CNNM2: variants seen among roughly 807,000 people sequenced by gnomAD.
CNNM2 encodes the protein cyclin and CBS domain divalent metal cation transport mediator 2, also known as metal transporter CNNM2.
Under a neutral mutation model 66.9 loss-of-function variants are expected in CNNM2, and 12 were observed. The ratio of observed to expected loss-of-function variants is 0.18; its 90% CI spans 0.11 to 0.29. The LOEUF is 0.29. Ranked by LOEUF, CNNM2 falls within the 10% of genes least tolerant of loss-of-function variation. The probability of loss-of-function intolerance (pLI) is 1.00; values close to 1 mark genes in which losing one functional copy is unlikely to be tolerated. For missense variants in CNNM2, 705 were observed against 1,167.7 expected, an observed-to-expected ratio of 0.60 and a Z score of 5.77; for synonymous variants, 557 against 501.8, an observed-to-expected ratio of 1.11 and a Z score of -1.47.
At position 103,078,064 on chromosome 10, in the gene CNNM2, C is replaced by G. The variant is rs796156785; in HGVS notation, c.*884C>G. On this transcript the variant is annotated 3_prime_UTR_variant, in exon 8 of 8. Coordinates refer to ENST00000369878, the MANE Select transcript of CNNM2 (RefSeq NM_017649.5). ...TAAGCTCACAGAGTGTCGTCGCCCACCTCCCTGGTCCTTGCTCTTGTTAAC... is the reference window on the plus strand; with the variant it reads ...TAAGCTCACAGAGTGTCGTCGCCCAGCTCCCTGGTCCTTGCTCTTGTTAAC... The G allele has an allele frequency of 3.9e-5, 6 of 152,664 alleles. No homozygotes were observed. Among genetic ancestry groups the G allele is most frequent in the African/African-American group, 1.4e-4 (6 of 41,556 alleles). 9.5% of individuals were successfully genotyped at this position (152,664 alleles called of 1,614,324 possible). A position where few individuals can be genotyped will look rare whatever the true frequency, so the allele number is the denominator to read the frequency against.
In CNNM2 at chr10:103,076,938, T is replaced by C. The variant is rs2065702542; in HGVS notation, c.2419-33T>C. The C allele has an allele frequency of 1.3e-6, 2 of 1,587,240 alleles. No homozygotes were observed. The highest frequency in any genetic ancestry group is 1.7e-5 in the Admixed American group (1 of 60,004). On this transcript the variant is annotated intron_variant, in intron 7 of 7. Transcript: ENST00000369878. ...GAGAACCTAAAAATAAGCATTATCT[T>C]GGTTTGTTTTCTGTGCCATCTTCTG...
intron 1 of CNNM2, among the ~76,000 whole-genome samples, chr10:102,947,822 C>T (rs569998215): frequency 6.6e-6 from 1 of 151,862 alleles, no homozygotes; most frequent in Admixed American, 6.6e-5. Context: ...GAGGCCAAGG[C>T]GGGCAAATCA....
chr10:103,021,918 A>G (rs1158407205), intron 1 of CNNM2, among the ~76,000 whole-genome samples: 3 of 152,344 alleles, frequency 2.0e-5, no homozygotes, highest in East Asian at 3.9e-4. Context: ...TTAGCCAAAG[A>G]TAGTTGCCTA....
At chr10:103,032,984 T>C (rs2064858385) in intron 1 of CNNM2, among the ~76,000 whole-genome samples, 1 of 151,060 alleles carries the variant, frequency 6.6e-6, no homozygotes. Flanking sequence ...CAGATGTGGC[T>C]ACCCATGCCT....
Position 103,089,063 on chromosome 10 carries a change from T to C in CNNM2, c.*11883T>C, listed in dbSNP as rs138994297. The C allele has an allele frequency of 7.2e-4, 160 of 221,150 alleles. No homozygotes were observed. In the East Asian group the frequency reaches 0.01, roughly 14 times the overall value. 13.7% of individuals were successfully genotyped at this position (221,150 alleles called of 1,614,324 possible). A position where few individuals can be genotyped will look rare whatever the true frequency, so the allele number is the denominator to read the frequency against. ...AAGGATACTGTCTTTTCCCTCAAAA[T>C]AGAATCCTGCCCTAAAGCAACGCAA... On this transcript the variant is annotated 3_prime_UTR_variant, in exon 8 of 8. Transcript: ENST00000369878.
chr10:103,075,836 G>C (rs1309081269), intron 6 of CNNM2, among the ~76,000 whole-genome samples: 2 of 152,162 alleles, frequency 1.3e-5, no homozygotes, highest in Non-Finnish European at 1.5e-5. Context: ...TTTGCTGTTA[G>C]AGACTTGGGA....
chr10:102,918,749 G>T lies in CNNM2; in HGVS notation c.269G>T (p.Gly90Val). The T allele has an allele frequency of 6.3e-7, 1 of 1,590,958 alleles. No homozygotes were observed. Among genetic ancestry groups the T allele is most frequent in the Non-Finnish European group, 8.5e-7 (1 of 1,169,634 alleles). ...ACGAACGACGTGTCGTTCATGGAAG[G>T]GGGGGCGCTGCGGGTGAGCGAACGG... ...EDTNDVSFMEGGALRVSERTR... is the reference protein window; with the variant it reads ...EDTNDVSFMEVGALRVSERTR... Residue 90 changes from glycine to valine, a missense_variant, in exon 1 of 8, where the codon GGG (glycine) becomes GTG (valine). Gly to Val is a moderately radical substitution (Grantham distance 109, BLOSUM62 -3). This residue lies in a region of CNNM2 where 37 missense variants were observed against 58.5 expected (regional missense o/e 0.63). Coordinates refer to ENST00000369878, the MANE Select transcript of CNNM2 (RefSeq NM_017649.5). This position sits in a 1 kb window ranked among gnomAD's most constrained non-coding sequence, Gnocchi z 4.1.
intron 1 of CNNM2, among the ~76,000 whole-genome samples, chr10:103,027,141 C>T (rs151152877): frequency 2.2e-4 from 33 of 152,298 alleles, no homozygotes; most frequent in Non-Finnish European, 4.0e-4. Flanking sequence ...TCTTTCTCTG[C>T]TCTGTGCCAA....
At chr10:103,056,013 G>A (rs1277170815) in intron 3 of CNNM2, among the ~76,000 whole-genome samples, 4 of 151,838 alleles carry the variant, frequency 2.6e-5, no homozygotes, top group African/African-American at 7.3e-5. Context: ...ACTTGAACCC[G>A]GGAGGTGGCG....
At chr10:103,018,160 A>C (rs1424157664) in intron 1 of CNNM2, among the ~76,000 whole-genome samples, 1 of 152,052 alleles carries the variant, frequency 6.6e-6, no homozygotes, top group African/African-American at 2.4e-5. Flanking sequence ...TGAGACAAAG[A>C]GATCAGTAAG....
Position 102,918,567 on chromosome 10 carries a change from G to T in CNNM2, c.87G>T (p.Ala29=). ...AAALPTWKMA[A]RRSLSARGRG... ...CACTGCCCACTTGGAAGATGGCGGC[G>T]CGCCGCAGCCTCAGCGCTCGCGGCC... Residue 29 remains alanine, a synonymous_variant, in exon 1 of 8, where the codon GCG becomes GCT. Coordinates refer to ENST00000369878, the MANE Select transcript of CNNM2 (RefSeq NM_017649.5). The surrounding 1 kb of genome is among the most constrained non-coding windows in gnomAD (Gnocchi z 4.1). 6.3e-7 allele frequency: 1 copy of T among 1,585,786 alleles called. No individual in the cohort carries two copies. The highest frequency in any genetic ancestry group is 1.1e-5 in the South Asian group (1 of 87,864).
In CNNM2 at chr10:103,016,756, A is replaced by G. The variant is rs144036802; in HGVS notation, c.1622-32951A>G. Reference sequence around the variant, plus strand: ...GATCCTTCTATAGTTCAAGCATTCAATAGGGAAGACAGCGAATGGAGGCCA... The same window carrying G: ...GATCCTTCTATAGTTCAAGCATTCAGTAGGGAAGACAGCGAATGGAGGCCA... On this transcript the variant is annotated intron_variant, in intron 1 of 7. Coordinates refer to ENST00000369878, the MANE Select transcript of CNNM2 (RefSeq NM_017649.5). 2.5e-3 allele frequency among the ~76,000 whole-genome samples: 375 copies of G among 152,290 alleles called. 2 individuals carry two copies. The highest frequency in any genetic ancestry group is 8.7e-3 in the African/African-American group (362 of 41,556).
chr10:102,944,215 A>T (rs988007262), intron 1 of CNNM2, among the ~76,000 whole-genome samples: 1 of 151,116 alleles, frequency 6.6e-6, no homozygotes, highest in Non-Finnish European at 1.5e-5. Context: ...AGTAGCTAGG[A>T]TTACAGGCAC....
At chr10:103,063,217 T>G (rs1333130607) in intron 4 of CNNM2, among the ~76,000 whole-genome samples, 1 of 152,194 alleles carries the variant, frequency 6.6e-6, no homozygotes, top group Non-Finnish European at 1.5e-5. Context: ...GACTCCAGAT[T>G]GAAAGCATTG....
rs182281114 is a variant in CNNM2, at chr10:103,089,948, G to A, written c.*12768G>A. 7,602 of 1,526,064 alleles carry A rather than the reference G, an allele frequency of 5.0e-3. 30 individuals are homozygous for A. The highest frequency in any genetic ancestry group is 0.024 in the Middle Eastern group (136 of 5,708). The allele number at this position is 1,526,064 out of a possible 1,614,324, so 94.5% of individuals were successfully genotyped here. A position where few individuals can be genotyped will look rare whatever the true frequency, so the allele number is the denominator to read the frequency against. ...GCTAGAGGCTCAGAAAGCAGGCAGA[G>A]CAAAGTAGCTACTCCCCAAATCCTA... On this transcript the variant is annotated 3_prime_UTR_variant, in exon 8 of 8. Coordinates refer to ENST00000369878, the MANE Select transcript of CNNM2 (RefSeq NM_017649.5).
At chr10:103,006,169 C>T (rs535783422) in intron 1 of CNNM2, among the ~76,000 whole-genome samples, 10 of 151,930 alleles carry the variant, frequency 6.6e-5, no homozygotes, top group Admixed American at 5.9e-4. Context: ...TTCAGTATTT[C>T]ACCATTAACT....
At chr10:102,964,881 G>A (rs1373537098) in intron 1 of CNNM2, among the ~76,000 whole-genome samples, 1 of 151,880 alleles carries the variant, frequency 6.6e-6, no homozygotes, top group Non-Finnish European at 1.5e-5. Flanking sequence ...CCTTTAAGAG[G>A]GAGTTAAGGC....
chr10:103,052,622 T>G (rs1490389225), intron 2 of CNNM2, among the ~76,000 whole-genome samples: 1 of 151,816 alleles, frequency 6.6e-6, no homozygotes, highest in Non-Finnish European at 1.5e-5. Flanking sequence ...CAAGGGAGTC[T>G]CCTGCCTCAG....
intron 2 of CNNM2, among the ~76,000 whole-genome samples, chr10:103,051,441 A>G (rs150856511): frequency 1.3e-5 from 2 of 150,104 alleles, no homozygotes; most frequent in African/African-American, 4.9e-5. Flanking sequence ...AAAAAATGAT[A>G]ATAATAACTG....
Sources: gnomAD v4.1 joint callset for allele counts (sites outside exome capture counted in the v4.1 genomes callset) on GRCh38, gnomAD v4.1.1 for gene constraint, gnomAD v4.1.1 regional missense constraint, Gnocchi (gnomAD v3.1) non-coding constraint, MANE v1.5 for transcripts, NCBI Gene and HGNC (gene_info 2026-07-23, HGNC 2026-07-21) for gene names.